Variants in G6PD observed in about 807,000 individuals in gnomAD.
G6PD encodes glucose-6-phosphate dehydrogenase.
In G6PD, 2 loss-of-function variants were observed where a neutral mutation model predicts 38.2. The observed-to-expected ratio is 0.05, with a 90% CI of 0.02 to 0.16. G6PD has a LOEUF of 0.16. Among genes scored for constraint, G6PD ranks in the 10% least tolerant of loss-of-function variants. The pLI is 1.00. For synonymous variants in G6PD, 188 were observed against 196.0 expected (o/e 0.96, Z 0.34); for missense variants, 310 against 471.6 (o/e 0.66, Z 3.17).
At chrX:154,542,256 T>C (rs782038955) in intron 2 of G6PD, 2 of 1,105,589 alleles carry the variant, frequency 1.8e-6, no homozygotes, top group Non-Finnish European at 2.4e-6. Flanking sequence ...TGAACGCCCA[T>C]CAAGCCCATG....
At position 154,532,409 on chromosome X, in the gene G6PD, C is replaced by T. The variant is rs1557229578; in HGVS notation, c.1341G>A (p.Gly447=). The part of the protein sequence containing the change: ...YERLILDVFC[G]SQMHFVRSDE... ...ACCTGCGCACGAAGTGCATCTGGCT[C>T]CCGCAGAAGACGTCCAGGATGAGGC... Residue 447 remains glycine (G), a synonymous_variant, in exon 11 of 13, where the codon GGG becomes GGA. Coordinates refer to ENST00000393562, the MANE Select transcript of G6PD (RefSeq NM_001360016.2). 1 of 1,211,834 alleles carries T rather than the reference C, an allele frequency of 8.3e-7. No individual in the cohort carries two copies. Among genetic ancestry groups the T allele is most frequent in the Non-Finnish European group, 1.1e-6 (1 of 895,526 alleles).
chrX:154,545,888 G>A (rs1051432645), intron 2 of G6PD, 148 bp downstream of exon 2: 1 of 680,961 alleles, frequency 1.5e-6, no homozygotes, highest in Non-Finnish European at 2.3e-6. Context: ...ACCAGGTAGA[G>A]CCGGGATGAT....
chrX:154,531,918 T>C lies in G6PD; in HGVS notation c.*82A>G, dbSNP rs2070339909. On this transcript the variant is annotated 3_prime_UTR_variant, in exon 13 of 13. Coordinates refer to ENST00000393562, the MANE Select transcript of G6PD (RefSeq NM_001360016.2). ...GCCAGGAATGTGCAGCTGAGGTCAA[T>C]GGTCCCGGAGTCCTCCCGACTCGGG... 9.2e-7 allele frequency: 1 copy of C among 1,083,840 alleles called. No individual in the cohort carries two copies. The highest frequency in any genetic ancestry group is 2.0e-5 in the South Asian group (1 of 49,847). The allele number at this position is 1,083,840 out of a possible 1,213,427, so 89.3% of individuals were successfully genotyped here.
At position 154,532,057 on chromosome X, in the gene G6PD, C is replaced by T. The variant is rs1215138210; in HGVS notation, c.1491G>A (p.Lys497=). Residue 497 remains lysine (K), a synonymous_variant, in exon 13 of 13, where the codon AAG becomes AAA. Coordinates refer to ENST00000393562, the MANE Select transcript of G6PD (RefSeq NM_001360016.2). ...RGPTEADELM[K]RVGFQYEGTY... ...TGCCCTCATACTGGAAACCCACTCT[C>T]TTCATCAGCTCGTCTGCCTCCGTGG... The T allele has an allele frequency of 4.1e-6, 5 of 1,210,636 alleles. No individual in the cohort carries two copies. Among genetic ancestry groups the T allele is most frequent in the Non-Finnish European group, 5.6e-6 (5 of 895,194 alleles).
In G6PD at chrX:154,533,047, C is replaced by T; in HGVS notation, c.946G>A (p.Gly316Ser). The change falls in exon 9 of 13, where the codon GGC (glycine) becomes AGC (serine). Residue 316 changes from glycine to serine, a missense_variant. Physicochemically the swap from Gly to Ser is moderately conservative, Grantham distance 56. This residue lies in a region of G6PD where 168 missense variants were observed against 309.2 expected (regional missense o/e 0.54). Coordinates refer to ENST00000393562, the MANE Select transcript of G6PD (RefSeq NM_001360016.2). ...TCCAGGTACCCTTTGGTGGCCTCGC[C>T]CTCTCCATCGGGGTTCCCCACGTAC... ...GQYVGNPDGEGEATKGYLDDP... is the reference protein window; with the variant it reads ...GQYVGNPDGESEATKGYLDDP... The T allele has an allele frequency of 8.2e-7, 1 of 1,212,382 alleles. No homozygotes were observed. The highest frequency in any genetic ancestry group is 1.1e-6 in the Non-Finnish European group (1 of 895,599).
intron 1 of G6PD, 25 bp from the exon 2 acceptor site, chrX:154,546,188 A>C (rs2148350646): frequency 1.7e-6 from 2 of 1,209,673 alleles, no homozygotes; most frequent in East Asian, 5.9e-5. Flanking sequence ...GCTCGTTAAC[A>C]AGGCAGAAGA....
At position 154,533,005 on chromosome X, in the gene G6PD, G is replaced by A. The variant is rs782699946; in HGVS notation, c.988C>T (p.Arg330Cys). The A allele has an allele frequency of 7.4e-6, 9 of 1,210,577 alleles. No individual in the cohort carries two copies. The highest frequency in any genetic ancestry group is 4.3e-5 in the Admixed American group (2 of 46,000). Residue 330 changes from arginine (R) to cysteine (C), a missense_variant, in exon 9 of 13, where the codon CGC becomes TGC. Physicochemically the swap from Arg to Cys is radical, Grantham distance 180. This residue lies in a region of G6PD where 168 missense variants were observed against 309.2 expected (regional missense o/e 0.54). Coordinates refer to ENST00000393562, the MANE Select transcript of G6PD (RefSeq NM_001360016.2). Reference sequence around the variant, plus strand: ...GCAAAAGTGGCGGTGGTGGACCCGCGGGGCACCGTGGGGTCGTCCAGGTAC... The same window carrying A: ...GCAAAAGTGGCGGTGGTGGACCCGCAGGGCACCGTGGGGTCGTCCAGGTAC... ...KGYLDDPTVP[R>C]GSTTATFAAV...
intron 5 of G6PD, 177 bp downstream of exon 5, chrX:154,534,991 C>T: frequency 2.0e-6 from 1 of 507,964 alleles, no homozygotes; most frequent in East Asian, 3.6e-5. Flanking sequence ...TTTGGGGAAG[C>T]AGAGCGGAAA....
intron 2 of G6PD, among the ~76,000 whole-genome samples, chrX:154,541,864 T>C (rs1487403314): frequency 9.0e-6 from 1 of 111,423 alleles, no homozygotes; most frequent in Non-Finnish European, 1.9e-5. Flanking sequence ...GGCATGAGGG[T>C]TTCATGGTAG....
chrX:154,537,666 ATCT>A (rs2070426305), intron 2 of G6PD, among the ~76,000 whole-genome samples: 1 of 112,290 alleles, frequency 8.9e-6, no homozygotes, highest in African/African-American at 3.2e-5. Flanking sequence ...GTGGCCACAA[ATCT>A]TCCTACAGAA....
In G6PD at chrX:154,532,972, C is replaced by T. The variant is rs782174983; in HGVS notation, c.1021G>A (p.Val341Ile). The T allele has an allele frequency of 1.1e-5, 13 of 1,210,724 alleles. No individual in the cohort carries two copies. In the African/African-American group the frequency reaches 1.2e-4, roughly 11 times the overall value. ...GSTTATFAAV[V>I]LYVENERWDG... is the part of the protein sequence containing the mutation. ...CACCTCTCATTCTCCACATAGAGGA[C>T]GACGGCTGCAAAAGTGGCGGTGGTG... is the stretch of plus-strand genomic sequence containing the variant. Residue 341 changes from valine to isoleucine, a missense_variant, in exon 9 of 13, where the codon GTC (valine) becomes ATC (isoleucine). Around this residue, in one of 4 missense-constraint regions of G6PD, gnomAD observed 168 missense variants for 309.2 expected, o/e 0.54. Transcript: ENST00000393562.
chrX:154,535,559 C>G (rs1284598014), intron 4 of G6PD, among the ~76,000 whole-genome samples, 174 bp from the exon 5 acceptor site: 2 of 112,403 alleles, frequency 1.8e-5, no homozygotes, highest in Non-Finnish European at 3.8e-5. Context: ...CAGCTCTGCA[C>G]ATCCAGAGGG....
At chrX:154,534,602 C>G in intron 5 of G6PD, 106 bp from the exon 6 acceptor site, 2 of 990,320 alleles carry the variant, frequency 2.0e-6, no homozygotes, top group Non-Finnish European at 2.8e-6. Flanking sequence ...AGGCCAGAAC[C>G]TCCTCGCCCC....
intron 2 of G6PD, 38 bp from the exon 3 acceptor site, chrX:154,536,216 T>C: frequency 8.4e-7 from 1 of 1,185,660 alleles, no homozygotes; most frequent in South Asian, 1.8e-5. Flanking sequence ...TAGAAGTGGC[T>C]GGGGACACGA....
In G6PD at chrX:154,531,962, G is replaced by A. The variant is rs782140549; in HGVS notation, c.*38C>T. The A allele has an allele frequency of 4.2e-6, 5 of 1,192,694 alleles. No homozygotes were observed. Among genetic ancestry groups the A allele is most frequent in the African/African-American group, 1.8e-5 (1 of 56,675 alleles). ...ACTCGGGGTCGGGCGGCGGGAAGGA[G>A]GGTGGCCGTGGCGGGGGTGGAGGTG... On this transcript the variant is annotated 3_prime_UTR_variant, in exon 13 of 13. Transcript: ENST00000393562.
chrX:154,532,537 C>A (rs782357401), intron 10 of G6PD, 30 bp downstream of exon 10: 17 of 1,206,894 alleles, frequency 1.4e-5, no homozygotes, highest in Non-Finnish European at 3.4e-6. Flanking sequence ...GGCCGCCCAC[C>A]CTCCACACTG....
intron 2 of G6PD, among the ~76,000 whole-genome samples, chrX:154,536,836 A>C (rs1198348010): frequency 8.9e-6 from 1 of 111,925 alleles, no homozygotes; most frequent in Admixed American, 9.5e-5. Context: ...ATCTCCAAAA[A>C]AAAAGTGAGA....
chrX:154,543,042 C>A (rs1475042988), intron 2 of G6PD, among the ~76,000 whole-genome samples: 3 of 112,114 alleles, frequency 2.7e-5, no homozygotes, highest in Non-Finnish European at 5.6e-5. Context: ...ACCCTGCCTA[C>A]CTCCCGCACC....
At chrX:154,542,242 G>A (rs781836293) in intron 2 of G6PD, 6 of 1,038,389 alleles carry the variant, frequency 5.8e-6, no homozygotes, top group African/African-American at 1.9e-5. Flanking sequence ...ATTGGGATGC[G>A]TCCTGAACGC....
Sources: gnomAD v4.1 joint callset for allele counts (sites outside exome capture counted in the v4.1 genomes callset) on GRCh38, gnomAD v4.1.1 for gene constraint, gnomAD v4.1.1 regional missense constraint, MANE v1.5 for transcripts, NCBI Gene and HGNC (gene_info 2026-07-23, HGNC 2026-07-21) for gene names.